Variants in CDKL5 observed in about 807,000 individuals in gnomAD.
CDKL5 encodes cyclin dependent kinase like 5.
Under a neutral mutation model 61.7 loss-of-function variants are expected in CDKL5, and 8 were observed. The observed-to-expected ratio is 0.13, with a 90% CI of 0.08 to 0.23. CDKL5 has a LOEUF of 0.23. Ranked by LOEUF, CDKL5 falls within the 10% of genes least tolerant of loss-of-function variation. The probability of loss-of-function intolerance (pLI) is 1.00; values close to 1 mark genes in which losing one functional copy is unlikely to be tolerated. For synonymous variants in CDKL5, 275 were observed against 272.3 expected (o/e 1.01, Z -0.10); for missense variants, 440 against 734.5 (o/e 0.60, Z 4.63).
In CDKL5 at chrX:18,522,791, C is replaced by T. The variant is rs1289602029; in HGVS notation, c.99+11937C>T. ...TGTTGCCAGTGTATAGAAATATTAT[C>T]GATTTTTTTTTTTTTTTTTTTGGAG... On this transcript the variant is annotated intron_variant, in intron 3 of 17. Coordinates refer to ENST00000623535, the MANE Select transcript of CDKL5 (RefSeq NM_001323289.2). Among the ~76,000 whole-genome samples, 6 of 101,416 alleles carry T rather than the reference C, an allele frequency of 5.9e-5. No homozygotes were observed. The East Asian group carries it at 1.3e-3, about 22-fold the overall frequency. 88.1% of individuals were successfully genotyped at this position (101,416 alleles called of 115,157 possible).
intron 6 of CDKL5, among the ~76,000 whole-genome samples, chrX:18,581,085 G>C (rs1925466605): frequency 9.0e-6 from 1 of 111,536 alleles, no homozygotes; most frequent in South Asian, 3.7e-4. Flanking sequence ...ACTGTGATTT[G>C]ATTATGTGCA....
intron 10 of CDKL5, among the ~76,000 whole-genome samples, chrX:18,597,212 TTTTG>T (rs200894493): frequency 1.5e-3 from 165 of 111,123 alleles, no homozygotes; most frequent in African/African-American, 5.2e-3. Context: ...GAATCATTCC[TTTTG>T]TTTTTTAGCT....
chrX:18,547,957 A>G (rs1054981775), intron 3 of CDKL5, among the ~76,000 whole-genome samples: 9 of 111,551 alleles, frequency 8.1e-5, no homozygotes, highest in Non-Finnish European at 1.3e-4. Flanking sequence ...AAAGGGCACG[A>G]GAGTTTTTAT....
chrX:18,613,093 TAAA>T (rs368997720), intron 14 of CDKL5, 56 bp from the exon 15 acceptor site: 2,357 of 752,776 alleles, frequency 3.1e-3, no homozygotes, highest in Non-Finnish European at 3.5e-3. Flanking sequence ...AGACTCTGTC[TAAA>T]AAAAAAAAAA....
intron 19 of CDKL5, chrX:18,645,897 C>T (rs1203863620): frequency 1.7e-6 from 2 of 1,167,988 alleles, no homozygotes; most frequent in Non-Finnish European, 1.2e-6. Context: ...GCCCCCTAAC[C>T]AAACTCTGGT....
At chrX:18,503,209 G>A (rs1922450885) in intron 1 of CDKL5, among the ~76,000 whole-genome samples, 1 of 112,345 alleles carries the variant, frequency 8.9e-6, no homozygotes. Flanking sequence ...TTTGAGACAA[G>A]GTCTGGCTCT....
intron 3 of CDKL5, among the ~76,000 whole-genome samples, chrX:18,540,469 G>T (rs908634488): frequency 6.3e-5 from 7 of 111,576 alleles, no homozygotes; most frequent in Non-Finnish European, 1.3e-4. Flanking sequence ...GAACCACCAC[G>T]CCTGGCTGGT....
intron 1 of CDKL5, among the ~76,000 whole-genome samples, chrX:18,444,949 G>A (rs1334088292): frequency 9.0e-6 from 1 of 111,386 alleles, no homozygotes; most frequent in Non-Finnish European, 1.9e-5. Flanking sequence ...GGGACCCTTT[G>A]GGTTCACTGC....
Position 18,604,922 on chromosome X carries a change from G to A in CDKL5, c.1944+54G>A, listed in dbSNP as rs1172717508. On this transcript the variant is annotated intron_variant, in intron 12 of 17. Transcript: ENST00000623535. ...GTGGCCCTTCAGGGGAAGGTGGTAC[G>A]AGGGATGTGATGAGGGTCCATCTAC... 1.2e-5 allele frequency: 14 copies of A among 1,174,978 alleles called. No individual in the cohort carries two copies. In the South Asian group the frequency reaches 1.6e-4, roughly 13 times the overall value.
At chrX:18,544,670 A>G (rs957081950) in intron 3 of CDKL5, among the ~76,000 whole-genome samples, 4 of 111,756 alleles carry the variant, frequency 3.6e-5, no homozygotes, top group African/African-American at 1.3e-4. Context: ...TTGCTTTTCT[A>G]TTATTTGCTT....
chrX:18,481,008 C>A (rs1028915976), intron 1 of CDKL5, among the ~76,000 whole-genome samples: 1 of 109,604 alleles, frequency 9.1e-6, no homozygotes, highest in African/African-American at 3.3e-5. Flanking sequence ...CAGGTGTGTG[C>A]CACCACGCCT....
intron 3 of CDKL5, among the ~76,000 whole-genome samples, chrX:18,527,514 G>T (rs1000649409): frequency 9.0e-6 from 1 of 111,490 alleles, no homozygotes; most frequent in African/African-American, 3.3e-5. Context: ...AAATTTTTAG[G>T]CATAGATTTA....
At chrX:18,564,408 A>G in intron 3 of CDKL5, 69 bp from the exon 4 acceptor site, 1 of 713,493 alleles carries the variant, frequency 1.4e-6, no homozygotes, top group South Asian at 2.2e-5. Flanking sequence ...ATATACCCCC[A>G]GGCAACTGGA....
At chrX:18,509,197 G>GCACGCGCGCGCGCGCGCGCGCACACA (rs1204561636) in intron 2 of CDKL5, among the ~76,000 whole-genome samples, 2 of 64,314 alleles carry the variant, frequency 3.1e-5, no homozygotes, top group East Asian at 1.4e-3. Flanking sequence ...CTCAAAACAC[G>GCACGCGCGCGCGCGCGCGCGCACACA]CACACACACA....
rs1927440594 is a variant in CDKL5 at position 18,637,888 on chromosome X, G to A, written c.*9131G>A. On this transcript the variant is annotated 3_prime_UTR_variant, in exon 18 of 18. Transcript: ENST00000623535. ...GAATGTCACTGAATCTTTAATGCCAGTTACACAGAGCTCAGTAGGTGTCCG... is the reference window on the plus strand; with the variant it reads ...GAATGTCACTGAATCTTTAATGCCAATTACACAGAGCTCAGTAGGTGTCCG... 1 of 112,214 alleles carries A rather than the reference G, an allele frequency of 8.9e-6. No individual in the cohort carries two copies. The highest frequency in any genetic ancestry group is 9.5e-5 in the Admixed American group (1 of 10,547). The allele number at this position is 112,214 out of a possible 1,213,427, so 9.2% of individuals were successfully genotyped here. A position where few individuals can be genotyped will look rare whatever the true frequency, so the allele number is the denominator to read the frequency against.
intron 1 of CDKL5, among the ~76,000 whole-genome samples, chrX:18,473,411 T>TCCAGTAGGTGCTCGTC (rs986587158): frequency 1.4e-4 from 16 of 110,993 alleles, no homozygotes; most frequent in Non-Finnish European, 2.6e-4. Flanking sequence ...ATTTTTTTTT[T>TCCAGTAGGTGCTCGTC]CCAGTAGGTG....
chrX:18,646,037 A>G (rs149345562), exon 20 of CDKL5: 1 of 1,210,175 alleles, frequency 8.3e-7, no homozygotes, highest in African/African-American at 1.7e-5. Flanking sequence ...AGACAGAGAC[A>G]CCATTCTGGA....
chrX:18,621,485 G>T (rs975977590), intron 16 of CDKL5, among the ~76,000 whole-genome samples: 4 of 111,359 alleles, frequency 3.6e-5, no homozygotes, highest in African/African-American at 1.3e-4. Flanking sequence ...TTAGGATTTT[G>T]GTATATTTTC....
At chrX:18,454,152 A>G (rs1932086029) in intron 1 of CDKL5, among the ~76,000 whole-genome samples, 1 of 111,824 alleles carries the variant, frequency 8.9e-6, no homozygotes, top group South Asian at 3.7e-4. Flanking sequence ...TAATTGGAAA[A>G]TTAATTTTAA....
Sources: gnomAD v4.1 joint callset for allele counts (sites outside exome capture counted in the v4.1 genomes callset) on GRCh38, gnomAD v4.1.1 for gene constraint, MANE v1.5 for transcripts, NCBI Gene and HGNC (gene_info 2026-07-23, HGNC 2026-07-21) for gene names.